The following PPP3CC variants were observed in gnomAD, a reference collection of about 807,000 sequenced individuals.
PPP3CC encodes protein phosphatase 3 catalytic subunit gamma.
A neutral mutation model predicts 60.3 loss-of-function variants in PPP3CC; 35 were observed. The ratio of observed to expected loss-of-function variants is 0.58; its 90% confidence interval spans 0.44 to 0.77. The LOEUF is 0.77. Ranked by LOEUF, PPP3CC falls within the 30% of genes least tolerant of loss-of-function variation. PPP3CC has a pLI of 0.00. For missense variants in PPP3CC, 570 were observed against 628.9 expected, an observed-to-expected ratio of 0.91 and a Z score of 1.00; for synonymous variants, 206 against 224.3, an observed-to-expected ratio of 0.92 and a Z score of 0.73.
chr8:22,530,716 C>T (rs1839686308), intron 10 of PPP3CC, among the ~76,000 whole-genome samples: 1 of 150,090 alleles, frequency 6.7e-6, no homozygotes, highest in Admixed American at 6.7e-5. Context: ...CCTGTAGTCC[C>T]AGCTACTCGG....
chr8:22,490,704 T>C (rs1173626577), intron 3 of PPP3CC, among the ~76,000 whole-genome samples: 2 of 149,762 alleles, frequency 1.3e-5, no homozygotes. Flanking sequence ...CATGCGGTGG[T>C]TGGTTTTTTT....
intron 9 of PPP3CC, 120 bp downstream of exon 9, chr8:22,527,637 T>C: frequency 1.1e-6 from 1 of 908,032 alleles, no homozygotes; most frequent in Non-Finnish European, 1.5e-6. Flanking sequence ...CTACATAGAT[T>C]TTTTTTTTTT....
At chr8:22,480,597 G>C (rs1258242800) in intron 3 of PPP3CC, among the ~76,000 whole-genome samples, 1 of 152,168 alleles carries the variant, frequency 6.6e-6, no homozygotes, top group Non-Finnish European at 1.5e-5. Context: ...TCCTGCCTCA[G>C]CCTCCCAAGT....
intron 3 of PPP3CC, among the ~76,000 whole-genome samples, chr8:22,485,912 A>G (rs374225267): frequency 6.6e-6 from 1 of 152,180 alleles, no homozygotes; most frequent in Admixed American, 6.5e-5. Flanking sequence ...GGCAGTGGGT[A>G]AAATTAGCCT....
chr8:22,468,037 A>G (rs912233697), intron 1 of PPP3CC, among the ~76,000 whole-genome samples: 2 of 152,222 alleles, frequency 1.3e-5, no homozygotes, highest in South Asian at 4.1e-4. Flanking sequence ...GGTTTTACCT[A>G]TGAATTTTTG....
At chr8:22,516,880 G>A (rs1310803508) in intron 6 of PPP3CC, among the ~76,000 whole-genome samples, 1 of 152,066 alleles carries the variant, frequency 6.6e-6, no homozygotes, top group African/African-American at 2.4e-5. Context: ...TATAAGCTTT[G>A]TTTAGGCATG....
intron 1 of PPP3CC, among the ~76,000 whole-genome samples, chr8:22,444,503 A>G (rs1055973382): frequency 6.6e-6 from 1 of 152,240 alleles, no homozygotes; most frequent in Admixed American, 6.5e-5. Context: ...AGTCAGGTGA[A>G]TACCTATTCT....
intron 1 of PPP3CC, among the ~76,000 whole-genome samples, chr8:22,444,170 C>T (rs1016317271): frequency 2.4e-4 from 37 of 151,384 alleles, no homozygotes; most frequent in African/African-American, 7.3e-4. Context: ...GCAGGAGAAT[C>T]GCTTGAACCC....
At chr8:22,473,782 A>G (rs912037063) in intron 1 of PPP3CC, among the ~76,000 whole-genome samples, 3 of 151,832 alleles carry the variant, frequency 2.0e-5, no homozygotes, top group Non-Finnish European at 4.4e-5. Flanking sequence ...CCATTCTTTT[A>G]TGCTCTGTTA....
rs374232756 is a variant in PPP3CC at position 22,540,038 on chromosome 8, G to A, written c.1351+540G>A. On this transcript the variant is annotated intron_variant, in intron 13 of 13. Coordinates refer to ENST00000240139, the MANE Select transcript of PPP3CC (RefSeq NM_005605.5). ...TATTAGGTAAGATGGTTCAAAACGCGAATGCCTTAACTTGGTGTTATAAAA... is the reference window on the plus strand; with the variant it reads ...TATTAGGTAAGATGGTTCAAAACGCAAATGCCTTAACTTGGTGTTATAAAA... Among the ~76,000 whole-genome samples the A allele has an allele frequency of 1.3e-3, 195 of 152,310 alleles. 1 individual carries two copies. Among genetic ancestry groups the A allele is most frequent in the African/African-American group, 4.5e-3 (187 of 41,568 alleles).
intron 12 of PPP3CC, among the ~76,000 whole-genome samples, chr8:22,538,480 T>G (rs1839892292): frequency 6.6e-6 from 1 of 152,244 alleles, no homozygotes; most frequent in Non-Finnish European, 1.5e-5. Flanking sequence ...AGGTAGTTAA[T>G]GTAGTTCTTT....
chr8:22,469,311 A>T (rs1837642250), intron 1 of PPP3CC, among the ~76,000 whole-genome samples: 1 of 152,174 alleles, frequency 6.6e-6, no homozygotes, highest in African/African-American at 2.4e-5. Context: ...TAGAGAATGG[A>T]AAATAGATAA....
Position 22,522,475 on chromosome 8 carries a change from T to C in PPP3CC, c.771-16T>C. ...GTTTTAATTCTGGATTTATGTTTTC[T>C]AATTTTCTTTTCCAGTTACCCTGCA... On this transcript the variant is annotated splice_polypyrimidine_tract_variant and intron_variant, in intron 6 of 13. Coordinates refer to ENST00000240139, the MANE Select transcript of PPP3CC (RefSeq NM_005605.5). The C allele has an allele frequency of 6.3e-7, 1 of 1,580,810 alleles. No homozygotes were observed. Among genetic ancestry groups the C allele is most frequent in the Non-Finnish European group, 8.6e-7 (1 of 1,160,308 alleles).
At chr8:22,454,423 G>A (rs980871749) in intron 1 of PPP3CC, among the ~76,000 whole-genome samples, 3 of 152,094 alleles carry the variant, frequency 2.0e-5, no homozygotes, top group Admixed American at 6.6e-5. Flanking sequence ...ACCTGTCTGG[G>A]GCTGTTTTAC....
At chr8:22,465,021 T>C (rs1481664390) in intron 1 of PPP3CC, among the ~76,000 whole-genome samples, 1 of 150,296 alleles carries the variant, frequency 6.7e-6, no homozygotes, top group East Asian at 2.0e-4. Flanking sequence ...GCAGTGGTGC[T>C]ATCTTGGCTC....
intron 1 of PPP3CC, among the ~76,000 whole-genome samples, chr8:22,444,498 G>A (rs1194403054): frequency 6.6e-6 from 1 of 152,162 alleles, no homozygotes; most frequent in Non-Finnish European, 1.5e-5. Flanking sequence ...TTCCTAGTCA[G>A]GTGAATACCT....
At chr8:22,508,562 C>T (rs1286700241) in intron 4 of PPP3CC, among the ~76,000 whole-genome samples, 4 of 152,188 alleles carry the variant, frequency 2.6e-5, no homozygotes, top group Non-Finnish European at 5.9e-5. Context: ...CCAGACTTGG[C>T]ATTCTTTTTT....
At chr8:22,448,372 C>CTTTTTTTTTTTTT (rs1383454743) in intron 1 of PPP3CC, among the ~76,000 whole-genome samples, 1 of 144,788 alleles carries the variant, frequency 6.9e-6, no homozygotes, top group Non-Finnish European at 1.5e-5. Context: ...GGTATTATAC[C>CTTTTTTTTTTTTT]TTTTTTTTGT....
At chr8:22,489,882 C>G in intron 3 of PPP3CC, among the ~76,000 whole-genome samples, 1 of 150,452 alleles carries the variant, frequency 6.6e-6, no homozygotes, top group East Asian at 1.9e-4. Flanking sequence ...AGTGCAGTGG[C>G]ACGATCTCAG....
Sources: allele counts gnomAD v4.1 joint callset (sites outside exome capture counted in the v4.1 genomes callset), GRCh38; gene constraint gnomAD v4.1.1; transcripts MANE v1.5; gene names NCBI Gene and HGNC (gene_info 2026-07-23, HGNC 2026-07-21).